Variants in TENM3 observed in about 807,000 individuals in gnomAD.
TENM3 encodes teneurin transmembrane protein 3.
TENM3 carries 63 observed loss-of-function variants against 255.1 expected under a neutral mutation model. The ratio of observed to expected loss-of-function variants is 0.25; its 90% CI spans 0.20 to 0.30. The LOEUF (loss-of-function observed/expected upper bound fraction) is 0.30. TENM3 is among the 10% of genes least tolerant of loss of function. The probability of loss-of-function intolerance (pLI) is 1.00; values close to 1 mark genes in which losing one functional copy is unlikely to be tolerated. For missense variants in TENM3, 2,929 were observed against 3,461.1 expected, an observed-to-expected ratio of 0.85 and a Z score of 3.86; for synonymous variants, 1,306 against 1,322.3, an observed-to-expected ratio of 0.99 and a Z score of 0.27.
chr4:182,513,409 G>T (rs1356724907), intron 3 of TENM3, among the ~76,000 whole-genome samples: 3 of 151,882 alleles, frequency 2.0e-5, no homozygotes, highest in Non-Finnish European at 4.4e-5. Context: ...ATAGGATTAT[G>T]GAATTATTTT....
At chr4:182,731,215 G>A in intron 16 of TENM3, 76 bp downstream of exon 16, 1 of 1,489,356 alleles carries the variant, frequency 6.7e-7, no homozygotes, top group Admixed American at 1.8e-5. Context: ...CTTAAAAATA[G>A]GTTATAGAGT....
the TENM3 span, among the ~76,000 whole-genome samples, chr4:181,592,613 T>A: frequency 1.3e-5 from 2 of 151,892 alleles, no homozygotes; most frequent in African/African-American, 4.8e-5. Context: ...AGTAAAACTT[T>A]TGAGTCAAGT....
intron 22 of TENM3, among the ~76,000 whole-genome samples, chr4:182,765,461 T>C (rs1763631249): frequency 6.6e-6 from 1 of 152,214 alleles, no homozygotes. Flanking sequence ...TCTTCTTTCT[T>C]TGCTCCCTTT....
intron 3 of TENM3, among the ~76,000 whole-genome samples, chr4:182,391,618 G>A (rs1768428786): frequency 6.6e-6 from 1 of 152,166 alleles, no homozygotes; most frequent in Non-Finnish European, 1.5e-5. Flanking sequence ...TAAATGTAAT[G>A]GCATTTAATG....
intron 3 of TENM3, among the ~76,000 whole-genome samples, chr4:182,422,410 G>A (rs2168681): frequency 0.4 from 61,479 of 152,014 alleles, 13,449 homozygotes; most frequent in South Asian, 0.57. Context: ...TTCTGTTGTT[G>A]GCTTTGAGTA....
At chr4:182,383,061 G>A (rs1484344142) in intron 3 of TENM3, among the ~76,000 whole-genome samples, 2 of 152,162 alleles carry the variant, frequency 1.3e-5, no homozygotes, top group Non-Finnish European at 2.9e-5. Context: ...TGTTGCAATA[G>A]GGGAGAGACA....
At chr4:182,238,207 C>T (rs550471538) in intron 1 of TENM3, among the ~76,000 whole-genome samples, 13 of 152,090 alleles carry the variant, frequency 8.5e-5, no homozygotes, top group South Asian at 2.1e-4. Context: ...AGTCTGGGGT[C>T]GTCGGAAGCC....
chr4:181,923,902 A>G, the TENM3 span, among the ~76,000 whole-genome samples: 1 of 152,196 alleles, frequency 6.6e-6, no homozygotes, highest in Non-Finnish European at 1.5e-5. Context: ...TGTTGTACCT[A>G]GTTGTACATC....
At chr4:182,707,503 T>C (rs1758369218) in intron 12 of TENM3, among the ~76,000 whole-genome samples, 1 of 152,044 alleles carries the variant, frequency 6.6e-6, no homozygotes, top group South Asian at 2.1e-4. Flanking sequence ...GGAGGAAATA[T>C]GGCAATTAGG....
intron 4 of TENM3, among the ~76,000 whole-genome samples, chr4:182,605,619 AT>A (rs1200972485): frequency 2.6e-5 from 4 of 152,192 alleles, no homozygotes. Flanking sequence ...AGGAAGGGAT[AT>A]TGTTTATTTG....
intron 4 of TENM3, among the ~76,000 whole-genome samples, chr4:182,625,178 G>A (rs922817462): frequency 6.6e-6 from 1 of 152,134 alleles, no homozygotes; most frequent in African/African-American, 2.4e-5. Context: ...GATACCAGGA[G>A]GGGTCATCCA....
rs549099349 is a variant in TENM3, at chr4:182,609,117, G to A, written c.749+7956G>A. ...GAACCATTTGCGGAGGAGCCTGCTG[G>A]GAGGCTACTCCATGATGGAAACGTG... On this transcript the variant is annotated intron_variant, in intron 4 of 27. Transcript: ENST00000511685. 3.3e-5 allele frequency among the ~76,000 whole-genome samples: 5 copies of A among 152,260 alleles called. No homozygotes were observed. The South Asian group carries it at 1.0e-3, about 32-fold the overall frequency.
chr4:182,546,748 T>C (rs1427139868), intron 3 of TENM3, among the ~76,000 whole-genome samples: 1 of 152,218 alleles, frequency 6.6e-6, no homozygotes, highest in Non-Finnish European at 1.5e-5. Flanking sequence ...ATTTAATCTG[T>C]CCACAGATAA....
the TENM3 span, among the ~76,000 whole-genome samples, chr4:181,688,781 G>A: frequency 6.6e-6 from 1 of 152,180 alleles, no homozygotes; most frequent in Admixed American, 6.6e-5. Flanking sequence ...GGGTTTAAGT[G>A]CATGTCTCCA....
At chr4:181,787,796 T>C in the TENM3 span, among the ~76,000 whole-genome samples, 2 of 152,084 alleles carry the variant, frequency 1.3e-5, no homozygotes, top group African/African-American at 4.8e-5. Flanking sequence ...ACGTATACCT[T>C]CCATGTGTTG....
chr4:182,393,658 A>G (rs112477196), intron 3 of TENM3, among the ~76,000 whole-genome samples: 78 of 152,296 alleles, frequency 5.1e-4, no homozygotes, highest in African/African-American at 1.7e-3. Flanking sequence ...GATTTCTTTT[A>G]TGTGATCCTT....
intron 3 of TENM3, among the ~76,000 whole-genome samples, chr4:182,554,879 T>C (rs532566753): frequency 1.6e-4 from 24 of 151,860 alleles, no homozygotes; most frequent in Non-Finnish European, 3.1e-4. Context: ...TTTTAAGCTT[T>C]TTTTTTTTTT....
chr4:181,547,253 A>T, the TENM3 span, among the ~76,000 whole-genome samples: 444 of 152,328 alleles, frequency 2.9e-3, 4 homozygotes, highest in South Asian at 0.035. Context: ...TTATATAGAG[A>T]GAAAGAAATG....
chr4:181,949,790 C>G, the TENM3 span, among the ~76,000 whole-genome samples: 3 of 152,108 alleles, frequency 2.0e-5, no homozygotes, highest in Non-Finnish European at 4.4e-5. Context: ...CCTCCTCAGT[C>G]CTCCTCAGTC....
Sources: allele counts gnomAD v4.1 joint callset (sites outside exome capture counted in the v4.1 genomes callset), GRCh38; gene constraint gnomAD v4.1.1; transcripts MANE v1.5; gene names NCBI Gene and HGNC (gene_info 2026-07-23, HGNC 2026-07-21).